Variants in BPTF observed in about 807,000 individuals in gnomAD.
The protein encoded by BPTF is bromodomain PHD finger transcription factor.
A neutral mutation model predicts 292.5 loss-of-function variants in BPTF; 18 were observed. The ratio of observed to expected loss-of-function variants is 0.06; its 90% confidence interval spans 0.04 to 0.09. BPTF has a LOEUF of 0.09. Among genes scored for constraint, BPTF ranks in the 10% least tolerant of loss-of-function variants. The pLI, the probability that BPTF is intolerant of heterozygous loss-of-function variation, is 1.00. For synonymous variants in BPTF, 1,225 were observed against 1,251.9 expected (o/e 0.98, Z 0.45); for missense variants, 2,726 against 3,498.7 (o/e 0.78, Z 5.57).
rs60083535 is a variant in BPTF at position 67,925,992 on chromosome 17, CTTTTTTTTTTTTTTT to C, written c.5751+1419_5751+1433del. ...CTCTGCAATGTAACCTAACATATTA[CTTTTTTTTTTTTTTT>C]TTTTTTTTTTTTTTTGAGACAAGGT... On this transcript the variant is annotated intron_variant, in intron 15 of 27. Transcript: ENST00000306378. Among the ~76,000 whole-genome samples, 98 of 56,674 alleles carry C rather than the reference CTTTTTTTTTTTTTTT, an allele frequency of 1.7e-3. 5 individuals are homozygous for C. Among genetic ancestry groups the C allele is most frequent in the South Asian group, 3.3e-3 (3 of 916 alleles). 37.2% of individuals were successfully genotyped at this position (56,674 alleles called of 152,430 possible).
chr17:67,949,697 A>G (rs2066126583), intron 23 of BPTF, among the ~76,000 whole-genome samples: 1 of 152,028 alleles, frequency 6.6e-6, no homozygotes, highest in Admixed American at 6.6e-5. Context: ...ACATATATAT[A>G]TACACACATG....
chr17:67,897,341 C>CAAAAAAAAAA lies in BPTF; in HGVS notation c.2543+3197_2543+3206dup, dbSNP rs750678904. ...AGGCAACAAGAGTGAAACTCTGTCT[C>CAAAAAAAAAA]AAAAAAAAAAAAAAAAAAAAAAAAA... is the stretch of plus-strand genomic sequence containing the variant. On this transcript the variant is annotated intron_variant, in intron 7 of 27. Transcript: ENST00000306378. Among the ~76,000 whole-genome samples, 26 of 17,764 alleles carry CAAAAAAAAAA rather than the reference C, an allele frequency of 1.5e-3. 1 individual carries two copies. Among genetic ancestry groups the CAAAAAAAAAA allele is most frequent in the African/African-American group, 2.2e-3 (22 of 9,904 alleles). The allele number at this position is 17,764 out of a possible 152,430, so 11.7% of individuals were successfully genotyped here. A position where few individuals can be genotyped will look rare whatever the true frequency, so the allele number is the denominator to read the frequency against.
intron 26 of BPTF, among the ~76,000 whole-genome samples, chr17:67,969,406 C>T (rs1459028249): frequency 3.6e-5 from 5 of 139,390 alleles, no homozygotes; most frequent in South Asian, 4.4e-4. Context: ...GAGACAAGAT[C>T]GCGCCACTGC....
chr17:67,923,452 TA>T (rs2063599329), intron 14 of BPTF, among the ~76,000 whole-genome samples: 1 of 149,542 alleles, frequency 6.7e-6, no homozygotes, highest in Admixed American at 6.7e-5. Context: ...AATAGTTTAG[TA>T]AGGTCCTCTC....
At chr17:67,866,369 ATAAGCTTTGTTT>A (rs756212446) in intron 2 of BPTF, 83 bp from the exon 3 acceptor site, 452 of 972,614 alleles carry the variant, frequency 4.6e-4, no homozygotes, top group Non-Finnish European at 4.6e-4. Context: ...GTTTTAGTGC[ATAAGCTTTGTTT>A]TAAGTTTTCA....
intron 2 of BPTF, among the ~76,000 whole-genome samples, chr17:67,857,108 A>G (rs908156274): frequency 6.9e-6 from 1 of 144,996 alleles, no homozygotes; most frequent in African/African-American, 2.5e-5. Flanking sequence ...TGTTGTTACC[A>G]TGTCTCCCCT....
At position 67,929,461 on chromosome 17, in the gene BPTF, T is replaced by C. The variant is rs759614953; in HGVS notation, c.6124T>C (p.Ser2042Pro). The C allele has an allele frequency of 4.3e-6, 7 of 1,614,156 alleles. No homozygotes were observed. The highest frequency in any genetic ancestry group is 5.9e-6 in the Non-Finnish European group (7 of 1,180,022). The change falls in exon 17 of 28, where the codon TCT becomes CCT. Residue 2042 changes from serine to proline, a missense_variant. Ser to Pro is a moderately conservative substitution (Grantham distance 74, BLOSUM62 -1). Coordinates refer to ENST00000306378, the MANE Select transcript of BPTF (RefSeq NM_182641.4). The stretch of plus-strand genomic sequence containing the variant: ...CACAATTAGGCCCAATACCTCAGGC[T>C]CTGGAGGAACCACAAGCAATTCACA... ...TVTIRPNTSG[S>P]GGTTSNSQVI... is the part of the protein sequence containing the mutation.
intron 27 of BPTF, chr17:67,982,008 TA>T (rs1568245798): frequency 0.022 from 3,413 of 156,618 alleles, 157 homozygotes; most frequent in African/African-American, 0.078. Flanking sequence ...TATATATATA[TA>T]TATATATATA....
chr17:67,976,716 T>C (rs56321665), intron 27 of BPTF, among the ~76,000 whole-genome samples: 89,050 of 128,122 alleles, frequency 0.7, 32,855 homozygotes, highest in Non-Finnish European at 0.78. Context: ...AAAAAAAAAA[T>C]AAGAATAAAA....
intron 4 of BPTF, chr17:67,886,374 TTTG>T: frequency 7.9e-7 from 1 of 1,269,882 alleles, no homozygotes; most frequent in Non-Finnish European, 1.1e-6. Flanking sequence ...TTTTCTTTTT[TTTG>T]TGTGTGTGTG....
intron 26 of BPTF, among the ~76,000 whole-genome samples, chr17:67,967,953 G>C (rs1196479052): frequency 6.6e-6 from 1 of 151,316 alleles, no homozygotes; most frequent in African/African-American, 2.5e-5. Flanking sequence ...GGGTCTCTTT[G>C]ATCCTCTCAT....
chr17:67,975,953 T>C lies in BPTF; in HGVS notation c.8721T>C (p.Ala2907=). ...TACAGAAATTGAAAGGCTTCAAAGC[T>C]AGCAGGTGAGCAGATGGGTTCGGTA... is the stretch of plus-strand genomic sequence containing the variant. ...FFVQKLKGFK[A]SRSHNNKLQS... is the part of the protein sequence containing the mutation. The change falls in exon 27 of 28, where the codon GCT becomes GCC. Residue 2907 remains alanine (A), a synonymous_variant. Transcript: ENST00000306378. The C allele has an allele frequency of 1.2e-6, 2 of 1,610,820 alleles. No homozygotes were observed. The highest frequency in any genetic ancestry group is 1.1e-5 in the South Asian group (1 of 90,236).
intron 1 of BPTF, among the ~76,000 whole-genome samples, chr17:67,840,129 G>C (rs2057433795): frequency 6.8e-6 from 1 of 146,862 alleles, no homozygotes; most frequent in Admixed American, 6.8e-5. Flanking sequence ...TTTGAGATAG[G>C]GTCTTGCTTG....
chr17:67,939,649 G>A (rs546166398), intron 18 of BPTF, among the ~76,000 whole-genome samples: 24 of 152,306 alleles, frequency 1.6e-4, no homozygotes, highest in Non-Finnish European at 3.2e-4. Flanking sequence ...AGGCCAAGGC[G>A]GGTGGATCAC....
intron 4 of BPTF, among the ~76,000 whole-genome samples, chr17:67,886,710 G>A (rs1191054974): frequency 1.3e-5 from 2 of 151,978 alleles, no homozygotes; most frequent in Non-Finnish European, 2.9e-5. Context: ...TAGTTTTGGG[G>A]TTTTTTGAAA....
intron 14 of BPTF, 47 bp from the exon 15 acceptor site, chr17:67,924,500 T>C: frequency 6.3e-7 from 1 of 1,576,212 alleles, no homozygotes; most frequent in East Asian, 2.2e-5. Context: ...AGATGCCAGA[T>C]GCCTAACAGG....
chr17:67,899,368 C>CATGATCTCACCCACTG (rs1344958009), intron 7 of BPTF, among the ~76,000 whole-genome samples: 2 of 152,140 alleles, frequency 1.3e-5, no homozygotes, highest in Non-Finnish European at 2.9e-5. Flanking sequence ...AGGGTTTGCT[C>CATGATCTCACCCACTG]ATGATCTCAC....
intron 4 of BPTF, among the ~76,000 whole-genome samples, chr17:67,876,132 C>T (rs1275860485): frequency 1.3e-5 from 2 of 152,032 alleles, no homozygotes; most frequent in African/African-American, 4.8e-5. Flanking sequence ...TGCATGTGCT[C>T]GTGTAATATT....
Position 67,893,390 on chromosome 17 carries a change from A to G in BPTF, c.2076A>G (p.Gln692=). Residue 692 remains glutamine (Q), a synonymous_variant, in exon 6 of 28, where the codon CAA becomes CAG. Transcript: ENST00000306378. ...EGKEVLVVNS[Q]GEISRLSTKK... ...GTCAGGTACTGGTAGTTAACTCTCA[A>G]GGAGAAATTTCACGGTTGAGCACCA... 8.1e-6 allele frequency: 13 copies of G among 1,614,068 alleles called. No homozygotes were observed. Among genetic ancestry groups the G allele is most frequent in the Non-Finnish European group, 1.1e-5 (13 of 1,179,944 alleles).
Sources: gnomAD v4.1 joint callset for allele counts (sites outside exome capture counted in the v4.1 genomes callset) on GRCh38, gnomAD v4.1.1 for gene constraint, MANE v1.5 for transcripts, NCBI Gene and HGNC (gene_info 2026-07-23, HGNC 2026-07-21) for gene names.